Variants in CCSER1 observed in about 807,000 individuals in gnomAD.
The protein encoded by CCSER1 is serine-rich coiled-coil domain-containing protein 1.
Under a neutral mutation model 82.0 loss-of-function variants are expected in CCSER1, and 41 were observed. That is an observed-to-expected ratio of 0.50 (90% CI 0.39 to 0.65). The LOEUF is 0.65. CCSER1 is among the 30% of genes least tolerant of loss of function. The probability of loss-of-function intolerance (pLI) is 0.00; values close to 1 mark genes in which losing one functional copy is unlikely to be tolerated. For missense variants in CCSER1, 1,119 were observed against 1,064.2 expected, an observed-to-expected ratio of 1.05 and a Z score of -0.72; for synonymous variants, 414 against 383.9, an observed-to-expected ratio of 1.08 and a Z score of -0.92.
At position 91,505,610 on chromosome 4, in the gene CCSER1, T is replaced by A. The variant is rs2110102974; in HGVS notation, c.2218-92962T>A. ...TCCACAGCCTTGCCAACATTTGTTG[T>A]TTCATAACTTTTTAGTAATCACCAT... On this transcript the variant is annotated intron_variant, in intron 10 of 10. Transcript: ENST00000509176. Among the ~76,000 whole-genome samples the A allele has an allele frequency of 2.0e-5, 3 of 152,326 alleles. No homozygotes were observed. The Middle Eastern group carries it at 0.01, about 518-fold the overall frequency.
At chr4:90,317,221 G>A (rs866789073) in intron 3 of CCSER1, among the ~76,000 whole-genome samples, 1 of 152,244 alleles carries the variant, frequency 6.6e-6, no homozygotes, top group Middle Eastern at 3.4e-3. Flanking sequence ...GTTAATGTGA[G>A]AGTAGATTCA....
chr4:91,101,560 G>A (rs572191931), intron 10 of CCSER1, among the ~76,000 whole-genome samples: 2 of 152,082 alleles, frequency 1.3e-5, no homozygotes, highest in Non-Finnish European at 2.9e-5. Flanking sequence ...ACTTGAACTC[G>A]GGAGGCGGAG....
intron 10 of CCSER1, among the ~76,000 whole-genome samples, chr4:91,525,961 C>T (rs531941033): frequency 9.7e-4 from 147 of 152,214 alleles, no homozygotes; most frequent in African/African-American, 3.1e-3. Context: ...CATCACATAA[C>T]AAATAAATAA....
chr4:90,306,423 A>C (rs1734282161), intron 1 of CCSER1, among the ~76,000 whole-genome samples: 1 of 152,212 alleles, frequency 6.6e-6, no homozygotes, highest in African/African-American at 2.4e-5. Flanking sequence ...TAAAAATATC[A>C]AAACATCACG....
chr4:91,002,647 G>A (rs974835847), intron 9 of CCSER1, among the ~76,000 whole-genome samples: 6 of 151,304 alleles, frequency 4.0e-5, no homozygotes, highest in African/African-American at 1.2e-4. Flanking sequence ...TTTTCCCTTC[G>A]CTTCTTGTAT....
At chr4:91,401,864 G>A (rs566052231) in intron 10 of CCSER1, among the ~76,000 whole-genome samples, 2,673 of 152,192 alleles carry the variant, frequency 0.018, 55 homozygotes, top group African/African-American at 0.06. Context: ...AAACATACGT[G>A]TGCATGTGTC....
At chr4:91,132,349 CAG>C (rs1427924618) in intron 10 of CCSER1, among the ~76,000 whole-genome samples, 1 of 152,054 alleles carries the variant, frequency 6.6e-6, no homozygotes, top group East Asian at 1.9e-4. Flanking sequence ...CAAAAGGTCA[CAG>C]AGGGCATTAA....
rs550730127 is a variant in CCSER1, at chr4:90,849,146, A to G, written c.2094+33301A>G. 1.8e-4 allele frequency among the ~76,000 whole-genome samples: 27 copies of G among 152,332 alleles called. 1 individual carries two copies. The South Asian group carries it at 5.2e-3, about 29-fold the overall frequency. On this transcript the variant is annotated intron_variant, in intron 8 of 10. Transcript: ENST00000509176. Reference sequence around the variant, plus strand: ...TTGGAACTGGGTAACAGGCAGAGGTAGGAACTGTTTGGAGGGCTCAGAAGA... The same window carrying G: ...TTGGAACTGGGTAACAGGCAGAGGTGGGAACTGTTTGGAGGGCTCAGAAGA...
At chr4:90,254,748 A>G (rs1722966303) in intron 1 of CCSER1, among the ~76,000 whole-genome samples, 1 of 152,114 alleles carries the variant, frequency 6.6e-6, no homozygotes, top group East Asian at 1.9e-4. Flanking sequence ...CATGGCTCAC[A>G]TGCCATAGAC....
chr4:90,367,406 TAAC>T (rs1325854729), intron 3 of CCSER1, among the ~76,000 whole-genome samples: 1 of 151,834 alleles, frequency 6.6e-6, no homozygotes, highest in Admixed American at 6.6e-5. Context: ...ATAATAATAA[TAAC>T]ATTTTCCTCC....
rs1171672455 is a variant in CCSER1 at position 91,158,906 on chromosome 4, A to G, written c.2217+72912A>G. On this transcript the variant is annotated intron_variant, in intron 10 of 10. Transcript: ENST00000509176. ...AGAAGCGAATCCATATTGGCTTGCT[A>G]TCTCAAAAACATCACTCCCTTTAAA... 3.3e-5 allele frequency among the ~76,000 whole-genome samples: 5 copies of G among 152,112 alleles called. No individual in the cohort carries two copies. In the East Asian group the frequency reaches 5.8e-4, roughly 18 times the overall value.
At chr4:90,949,327 A>G (rs1273184936) in intron 9 of CCSER1, among the ~76,000 whole-genome samples, 2 of 152,146 alleles carry the variant, frequency 1.3e-5, no homozygotes, top group African/African-American at 2.4e-5. Context: ...TAAAACCATA[A>G]TAGAGTAGAT....
At chr4:90,954,954 A>G (rs899555927) in intron 9 of CCSER1, among the ~76,000 whole-genome samples, 31 of 152,270 alleles carry the variant, frequency 2.0e-4, no homozygotes, top group Middle Eastern at 3.4e-3. Context: ...GCCTGGAACT[A>G]TCTTCCACCA....
chr4:91,199,347 T>C (rs975197114), intron 10 of CCSER1, among the ~76,000 whole-genome samples: 2 of 152,108 alleles, frequency 1.3e-5, no homozygotes, highest in Non-Finnish European at 2.9e-5. Context: ...AATTTAAGTA[T>C]AAAGATGTAA....
At chr4:91,247,867 CA>C (rs991905777) in intron 10 of CCSER1, among the ~76,000 whole-genome samples, 16 of 150,602 alleles carry the variant, frequency 1.1e-4, no homozygotes, top group Non-Finnish European at 1.8e-4. Context: ...GACTCTGTCT[CA>C]AAAAAAACAA....
At chr4:90,771,052 CTGTT>C (rs1490514832) in intron 7 of CCSER1, among the ~76,000 whole-genome samples, 1 of 152,036 alleles carries the variant, frequency 6.6e-6, no homozygotes, top group African/African-American at 2.4e-5. Context: ...TACAGAATAT[CTGTT>C]TGCATGGGAT....
intron 8 of CCSER1, among the ~76,000 whole-genome samples, chr4:90,899,346 T>G (rs1392524730): frequency 2.0e-5 from 3 of 152,040 alleles, no homozygotes; most frequent in Non-Finnish European, 2.9e-5. Flanking sequence ...GTCTAGGCAT[T>G]TTTTGGAGGA....
Position 90,200,061 on chromosome 4 carries a change from G to GACACACACACACACACAC in CCSER1, c.-42+72245_-42+72262dup, listed in dbSNP as rs71596519. Among the ~76,000 whole-genome samples, 680 of 144,918 alleles carry GACACACACACACACACAC rather than the reference G, an allele frequency of 4.7e-3. 13 individuals are homozygous for GACACACACACACACACAC. The East Asian group carries it at 0.065, about 14-fold the overall frequency. Reference sequence around the variant, plus strand: ...CCACTCCCTGACATGCGTGCACGCAGACACACACACACACACACACACACA... The same window carrying GACACACACACACACACAC: ...CCACTCCCTGACATGCGTGCACGCAGACACACACACACACACACACACACACACACACACACACACACA... On this transcript the variant is annotated intron_variant, in intron 1 of 10. Transcript: ENST00000509176.
At chr4:91,047,641 T>G (rs1044414384) in intron 9 of CCSER1, among the ~76,000 whole-genome samples, 5 of 152,174 alleles carry the variant, frequency 3.3e-5, no homozygotes, top group Non-Finnish European at 7.4e-5. Context: ...AGATTTCAGA[T>G]TACCTCTATG....
Sources: allele counts gnomAD v4.1 joint callset (sites outside exome capture counted in the v4.1 genomes callset), GRCh38; gene constraint gnomAD v4.1.1; transcripts MANE v1.5; gene names NCBI Gene and HGNC (gene_info 2026-07-23, HGNC 2026-07-21).